IMPG2: variants seen among roughly 807,000 people sequenced by gnomAD.
IMPG2 encodes the protein IPM 200.
Under a neutral mutation model 129.2 loss-of-function variants are expected in IMPG2, and 91 were observed. The ratio of observed to expected loss-of-function variants is 0.70; its 90% confidence interval spans 0.59 to 0.84. The LOEUF (loss-of-function observed/expected upper bound fraction) is 0.84. Among genes scored for constraint, IMPG2 ranks in the 40% least tolerant of loss-of-function variants. IMPG2 has a pLI of 0.00. For missense variants in IMPG2, 1,430 were observed against 1,461.7 expected, an observed-to-expected ratio of 0.98 and a Z score of 0.35; for synonymous variants, 510 against 517.7, an observed-to-expected ratio of 0.99 and a Z score of 0.20.
intron 3 of IMPG2, among the ~76,000 whole-genome samples, chr3:101,296,673 G>A (rs548406533): frequency 7.5e-5 from 11 of 147,524 alleles, no homozygotes; most frequent in Non-Finnish European, 1.5e-4. Flanking sequence ...GGTAGAATTC[G>A]GCTGTGAATC....
At chr3:101,266,665 G>A (rs1273283450) in intron 9 of IMPG2, among the ~76,000 whole-genome samples, 2 of 152,136 alleles carry the variant, frequency 1.3e-5, no homozygotes, top group Non-Finnish European at 2.9e-5. Flanking sequence ...ATTATCTCAA[G>A]ACAGTTAGTC....
rs371471872 is a variant in IMPG2, at chr3:101,242,863, T to C, written c.2847A>G (p.Leu949=). 1.3e-5 allele frequency: 21 copies of C among 1,614,120 alleles called. No individual in the cohort carries two copies. The highest frequency in any genetic ancestry group is 1.7e-5 in the Non-Finnish European group (20 of 1,179,982). Residue 949 remains leucine, a synonymous_variant, in exon 14 of 19, where the codon TTA becomes TTG. Coordinates refer to ENST00000193391, the MANE Select transcript of IMPG2 (RefSeq NM_016247.4). ...LQSNLTGFQN[L]EILNFRNGSI... ...TGCCATTTCTGAAGTTGAGGATTTC[T>C]AAGTTCTGGAACCCCGTGAGATTTG...
In IMPG2 at chr3:101,257,570, G is replaced by C. The variant is rs567713065; in HGVS notation, c.1112C>G (p.Ser371Cys). Residue 371 changes from serine to cysteine, a missense_variant, in exon 10 of 19, where the codon TCT becomes TGT. Physicochemically the swap from Ser to Cys is moderately radical, Grantham distance 112. Transcript: ENST00000193391. ...GGAATCAGGATCTGGATTCAAGGAA[G>C]AGTTCCCCAGCAAAAAATTCTGCTG... ...TLQQNFLLGN[S>C]SLNPDPDSLQ... is the part of the protein sequence containing the mutation. The C allele has an allele frequency of 6.2e-7, 1 of 1,613,358 alleles. No homozygotes were observed. Among genetic ancestry groups the C allele is most frequent in the South Asian group, 1.1e-5 (1 of 91,068 alleles).
At chr3:101,243,162 G>T (rs975737897) in intron 13 of IMPG2, among the ~76,000 whole-genome samples, 1 of 152,218 alleles carries the variant, frequency 6.6e-6, no homozygotes. Context: ...TAGACACTCA[G>T]AGAGTTTATT....
At chr3:101,276,770 G>C in intron 4 of IMPG2, 57 bp from the exon 5 acceptor site, 1 of 1,332,348 alleles carries the variant, frequency 7.5e-7, no homozygotes. Context: ...AGTTTATTTT[G>C]GGATTTTTGG....
Position 101,264,004 on chromosome 3 carries a change from A to G in IMPG2, c.908+3507T>C, listed in dbSNP as rs533495379. 3.9e-5 allele frequency among the ~76,000 whole-genome samples: 6 copies of G among 152,062 alleles called. No homozygotes were observed. In the South Asian group the frequency reaches 1.2e-3, roughly 32 times the overall value. On this transcript the variant is annotated intron_variant, in intron 9 of 18. Coordinates refer to ENST00000193391, the MANE Select transcript of IMPG2 (RefSeq NM_016247.4). ...AAATTTGAAAACCTAGTGGAAATAA[A>G]TTCCTGAACACATTTAACCTACCAA... is the stretch of plus-strand genomic sequence containing the variant.
chr3:101,294,384 C>T (rs748812422), intron 3 of IMPG2, among the ~76,000 whole-genome samples: 7 of 152,130 alleles, frequency 4.6e-5, no homozygotes, highest in Non-Finnish European at 1.0e-4. Flanking sequence ...AGGATGATGG[C>T]TTCCAGCTTC....
At chr3:101,299,433 G>C (rs1002099999) in intron 3 of IMPG2, among the ~76,000 whole-genome samples, 1 of 152,188 alleles carries the variant, frequency 6.6e-6, no homozygotes, top group Non-Finnish European at 1.5e-5. Flanking sequence ...CTTCACCCTT[G>C]CTAGAGAGGC....
intron 14 of IMPG2, among the ~76,000 whole-genome samples, chr3:101,240,127 T>A (rs1706391012): frequency 6.6e-6 from 1 of 151,832 alleles, no homozygotes; most frequent in African/African-American, 2.4e-5. Context: ...TATTTTTTAT[T>A]TTTTTTTAGA....
At chr3:101,273,489 G>T in intron 7 of IMPG2, 92 bp downstream of exon 7, 1 of 1,367,268 alleles carries the variant, frequency 7.3e-7, no homozygotes, top group Non-Finnish European at 1.0e-6. Flanking sequence ...CAAACAATTT[G>T]AAACCTAAAC....
At position 101,285,836 on chromosome 3, in the gene IMPG2, A is replaced by G. The variant is rs900241713; in HGVS notation, c.533+5643T>C. Reference sequence around the variant, plus strand: ...CGGGGTACAAGTGCCATTTTGTAACATGGATACATGGTGTAGTGATGAAGT... The same window carrying G: ...CGGGGTACAAGTGCCATTTTGTAACGTGGATACATGGTGTAGTGATGAAGT... On this transcript the variant is annotated intron_variant, in intron 4 of 18. Coordinates refer to ENST00000193391, the MANE Select transcript of IMPG2 (RefSeq NM_016247.4). 4.6e-5 allele frequency among the ~76,000 whole-genome samples: 7 copies of G among 152,202 alleles called. 1 individual carries two copies. The highest frequency in any genetic ancestry group is 1.0e-4 in the Non-Finnish European group (7 of 68,028).
chr3:101,235,367 G>A (rs1221404753), intron 14 of IMPG2, among the ~76,000 whole-genome samples: 20 of 152,192 alleles, frequency 1.3e-4, no homozygotes, highest in Non-Finnish European at 2.1e-4. Context: ...TCAGACTGGA[G>A]CATTTCAGAT....
At chr3:101,256,999 T>C (rs1371986558) in intron 10 of IMPG2, among the ~76,000 whole-genome samples, 1 of 152,096 alleles carries the variant, frequency 6.6e-6, no homozygotes, top group Non-Finnish European at 1.5e-5. Context: ...CATATCCACC[T>C]GTTCATTATG....
chr3:101,259,229 A>G (rs1706644122), intron 9 of IMPG2, among the ~76,000 whole-genome samples: 1 of 152,178 alleles, frequency 6.6e-6, no homozygotes, highest in African/African-American at 2.4e-5. Context: ...AGCAAGTCAC[A>G]CCAAGATCCC....
chr3:101,243,161 A>T (rs1293904651), intron 13 of IMPG2, among the ~76,000 whole-genome samples: 1 of 152,244 alleles, frequency 6.6e-6, no homozygotes, highest in Admixed American at 6.5e-5. Flanking sequence ...TTAGACACTC[A>T]GAGAGTTTAT....
chr3:101,315,941 A>G (rs1379488330), intron 2 of IMPG2, among the ~76,000 whole-genome samples: 1 of 152,124 alleles, frequency 6.6e-6, no homozygotes, highest in Non-Finnish European at 1.5e-5. Context: ...ATAGACAAAT[A>G]AGTGGAACAG....
intron 17 of IMPG2, 30 bp from the exon 18 acceptor site, chr3:101,228,906 C>T (rs761863202): frequency 2.4e-5 from 37 of 1,526,428 alleles, no homozygotes; most frequent in Admixed American, 5.0e-5. Flanking sequence ...ATAGGCCACA[C>T]ATTGCATTAG....
Position 101,319,731 on chromosome 3 carries a change from T to C in IMPG2, c.187A>G (p.Lys63Glu), listed in dbSNP as rs2058802187. 6.2e-7 allele frequency: 1 copy of C among 1,613,746 alleles called. No homozygotes were observed. The change falls in exon 2 of 19, where the codon AAA becomes GAA. Residue 63 changes from lysine to glutamate, a missense_variant. By Grantham distance (56) the Lys-to-Glu change is moderately conservative. Coordinates refer to ENST00000193391, the MANE Select transcript of IMPG2 (RefSeq NM_016247.4). ...STDLSLATKK[K>E]QPLDRRETER... ...GTTTCTCTGCGGTCCAGAGGCTGTT[T>C]CTTTTTGGTAGCTAGAGAAAGGTCT... is the stretch of plus-strand genomic sequence containing the variant.
chr3:101,250,786 T>G (rs1706535096), intron 11 of IMPG2, among the ~76,000 whole-genome samples: 1 of 151,942 alleles, frequency 6.6e-6, no homozygotes, highest in African/African-American at 2.4e-5. Flanking sequence ...AGATAGGGAG[T>G]GTGGGAGGCC....
Sources: gnomAD v4.1 joint callset for allele counts (sites outside exome capture counted in the v4.1 genomes callset) on GRCh38, gnomAD v4.1.1 for gene constraint, MANE v1.5 for transcripts, NCBI Gene and HGNC (gene_info 2026-07-23, HGNC 2026-07-21) for gene names.